The following ALPL variants were observed in gnomAD, a reference collection of about 807,000 sequenced individuals.
ALPL encodes alkaline phosphatase, tissue-nonspecific isozyme.
Under a neutral mutation model 51.3 loss-of-function variants are expected in ALPL, and 42 were observed. The ratio of observed to expected loss-of-function variants is 0.82; its 90% CI spans 0.64 to 1.06. The LOEUF (loss-of-function observed/expected upper bound fraction) is 1.06, where lower values mean the gene tolerates loss of function less well. ALPL is among the 50% of genes least tolerant of loss of function. ALPL has a pLI of 0.00. For synonymous variants in ALPL, 279 were observed against 296.4 expected, an observed-to-expected ratio of 0.94 and a Z score of 0.60; for missense variants, 589 against 709.4, an observed-to-expected ratio of 0.83 and a Z score of 1.93.
intron 6 of ALPL, among the ~76,000 whole-genome samples, chr1:21,567,080 G>T (rs1644575858): frequency 6.6e-6 from 1 of 152,180 alleles, no homozygotes; most frequent in African/African-American, 2.4e-5. Context: ...CTGTGTTCCT[G>T]GCCCCCTGTG....
At chr1:21,567,970 G>A in intron 6 of ALPL, 134 bp from the exon 7 acceptor site, 1 of 1,189,170 alleles carries the variant, frequency 8.4e-7, no homozygotes, top group Non-Finnish European at 1.2e-6. Flanking sequence ...AGATGACTGA[G>A]GCCTGGCTCA....
chr1:21,521,094 C>T (rs575276377), intron 1 of ALPL, among the ~76,000 whole-genome samples: 3 of 152,240 alleles, frequency 2.0e-5, no homozygotes, highest in Non-Finnish European at 4.4e-5. Flanking sequence ...TAGCATCTGG[C>T]TCTGAGTTTC....
At chr1:21,558,091 C>A (rs1331585964) in intron 2 of ALPL, among the ~76,000 whole-genome samples, 1 of 152,236 alleles carries the variant, frequency 6.6e-6, no homozygotes, top group Non-Finnish European at 1.5e-5. Context: ...TCCAGTTGTC[C>A]AGAGCCATTG....
chr1:21,560,377 G>A (rs1490434600), intron 2 of ALPL, among the ~76,000 whole-genome samples: 1 of 152,218 alleles, frequency 6.6e-6, no homozygotes, highest in Non-Finnish European at 1.5e-5. Flanking sequence ...CAAGTTGCTC[G>A]TTGTCTCTGA....
Position 21,554,105 on chromosome 1 carries a change from G to A in ALPL, c.24G>A (p.Leu8=). 2 of 1,609,732 alleles carry A rather than the reference G, an allele frequency of 1.2e-6. No individual in the cohort carries two copies. The highest frequency in any genetic ancestry group is 1.7e-6 in the Non-Finnish European group (2 of 1,177,616). Reference sequence around the variant, plus strand: ...CCATGATTTCACCATTCTTAGTACTGGCCATTGGCACCTGCCTTACTAACT... The same window carrying A: ...CCATGATTTCACCATTCTTAGTACTAGCCATTGGCACCTGCCTTACTAACT... The part of the protein sequence containing the change: MISPFLV[L]AIGTCLTNSL... The change falls in exon 2 of 12, where the codon CTG becomes CTA. Residue 8 remains leucine, a synonymous_variant. Coordinates refer to ENST00000374840, the MANE Select transcript of ALPL (RefSeq NM_000478.6).
chr1:21,564,811 C>T lies in ALPL; in HGVS notation c.648+595C>T, dbSNP rs1053377575. Among the ~76,000 whole-genome samples the T allele has an allele frequency of 2.0e-5, 3 of 152,188 alleles. No homozygotes were observed. Among genetic ancestry groups the T allele is most frequent in the Admixed American group, 6.5e-5 (1 of 15,284 alleles). ...TGCCAAGAACTGATTAAGATAATCC[C>T]TGTGGAGCTCAGCACAGGACCCGAG... On this transcript the variant is annotated intron_variant, in intron 6 of 11. Transcript: ENST00000374840. The surrounding 1 kb of genome is among the most constrained non-coding windows in gnomAD (Gnocchi z 5.8).
chr1:21,528,343 T>G (rs1643978721), intron 1 of ALPL, among the ~76,000 whole-genome samples: 2 of 26,452 alleles, frequency 7.6e-5, no homozygotes, highest in African/African-American at 1.5e-4. Context: ...ACCTATTCAG[T>G]TTTTTTTTTT....
intron 4 of ALPL, among the ~76,000 whole-genome samples, 183 bp downstream of exon 4, chr1:21,561,395 G>C (rs763263152): frequency 6.6e-6 from 1 of 152,104 alleles, no homozygotes; most frequent in Non-Finnish European, 1.5e-5. Context: ...ACCTGCTTGC[G>C]GGTGTGTGTT....
chr1:21,535,336 C>T (rs1644083929), intron 1 of ALPL, among the ~76,000 whole-genome samples: 1 of 152,130 alleles, frequency 6.6e-6, no homozygotes, highest in Admixed American at 6.6e-5. Context: ...GAAAGTTTGG[C>T]TGGGTGTGGG....
At chr1:21,554,273 A>C in intron 2 of ALPL, 131 bp downstream of exon 2, 1 of 904,028 alleles carries the variant, frequency 1.1e-6, no homozygotes, top group South Asian at 1.4e-5. Context: ...TCAGAGCAGG[A>C]AACCTCAGCC....
chr1:21,549,688 C>A (rs1288802547), intron 1 of ALPL, among the ~76,000 whole-genome samples: 2 of 152,112 alleles, frequency 1.3e-5, no homozygotes, highest in Non-Finnish European at 1.5e-5. Flanking sequence ...GTCTCAAACA[C>A]CTGACCTTAA....
chr1:21,535,046 T>G (rs1009596252), intron 1 of ALPL, among the ~76,000 whole-genome samples: 2 of 152,230 alleles, frequency 1.3e-5, no homozygotes, highest in Non-Finnish European at 2.9e-5. Context: ...TGGGCTGTTA[T>G]GTTCAGCACC....
At chr1:21,520,018 A>G (rs1464279036) in intron 1 of ALPL, among the ~76,000 whole-genome samples, 2 of 151,952 alleles carry the variant, frequency 1.3e-5, no homozygotes, top group Non-Finnish European at 2.9e-5. Context: ...TCCCACCCAG[A>G]TACACCCTAT....
intron 1 of ALPL, among the ~76,000 whole-genome samples, chr1:21,550,161 G>A (rs574206260): frequency 1.3e-5 from 2 of 152,330 alleles, no homozygotes; most frequent in Admixed American, 1.3e-4. Context: ...GGGTGGCAGA[G>A]CTGTTCTGGG....
chr1:21,570,484 C>T, intron 8 of ALPL, 110 bp downstream of exon 8: 1 of 1,163,842 alleles, frequency 8.6e-7, no homozygotes, highest in Non-Finnish European at 1.3e-6. Flanking sequence ...ACTTAGGGGC[C>T]TCTGCTCTTG....
chr1:21,528,370 C>T (rs200601325), intron 1 of ALPL, among the ~76,000 whole-genome samples: 2 of 100,948 alleles, frequency 2.0e-5, no homozygotes, highest in East Asian at 2.8e-4. Flanking sequence ...TTTTTTGAGG[C>T]GGAATCTCGC....
intron 9 of ALPL, chr1:21,574,087 C>A: frequency 1.0e-6 from 1 of 985,454 alleles, no homozygotes; most frequent in South Asian, 4.7e-5. Context: ...GGACCTGGCC[C>A]TGAAGGGGCA....
chr1:21,536,790 C>T (rs1039131622), intron 1 of ALPL, among the ~76,000 whole-genome samples: 3 of 151,634 alleles, frequency 2.0e-5, no homozygotes, highest in African/African-American at 7.3e-5. Context: ...CTCTGGGTGG[C>T]CAAAAATGAC....
At chr1:21,535,770 T>A (rs1488969832) in intron 1 of ALPL, among the ~76,000 whole-genome samples, 2 of 152,070 alleles carry the variant, frequency 1.3e-5, no homozygotes, top group African/African-American at 4.8e-5. Flanking sequence ...TGGAACAAAC[T>A]CTCAAAGAAA....
Sources: gnomAD v4.1 joint callset for allele counts (sites outside exome capture counted in the v4.1 genomes callset) on GRCh38, gnomAD v4.1.1 for gene constraint, Gnocchi (gnomAD v3.1) non-coding constraint, MANE v1.5 for transcripts, NCBI Gene and HGNC (gene_info 2026-07-23, HGNC 2026-07-21) for gene names.